The following MYOF variants were observed in gnomAD, a reference collection of about 807,000 sequenced individuals.
The protein encoded by MYOF is myoferlin.
Under a neutral mutation model 284.2 loss-of-function variants are expected in MYOF, and 244 were observed. The ratio of observed to expected loss-of-function variants is 0.86; its 90% CI spans 0.77 to 0.95. The LOEUF (loss-of-function observed/expected upper bound fraction) is 0.95, where lower values mean the gene tolerates loss of function less well. Ranked by LOEUF, MYOF falls within the 40% of genes least tolerant of loss-of-function variation. MYOF has a pLI of 0.00. For synonymous variants in MYOF, 904 were observed against 919.7 expected (o/e 0.98, Z 0.31); for missense variants, 2,496 against 2,560.6 (o/e 0.97, Z 0.54).
At chr10:93,399,790 T>A (rs1418473005) in intron 12 of MYOF, among the ~76,000 whole-genome samples, 1 of 152,162 alleles carries the variant, frequency 6.6e-6, no homozygotes, top group Admixed American at 6.5e-5. Flanking sequence ...GAGAACTGCT[T>A]GAACCTGGGA....
At chr10:93,441,297 C>T (rs1041371627) in intron 3 of MYOF, among the ~76,000 whole-genome samples, 1 of 152,160 alleles carries the variant, frequency 6.6e-6, no homozygotes, top group Non-Finnish European at 1.5e-5. Context: ...GTCTTATAAG[C>T]AATACCACAC....
chr10:93,338,905 T>C (rs1843739405), intron 39 of MYOF, among the ~76,000 whole-genome samples: 1 of 148,918 alleles, frequency 6.7e-6, no homozygotes, highest in Admixed American at 6.7e-5. Context: ...TATTTTAACC[T>C]ACCTTGGAAA....
intron 48 of MYOF, among the ~76,000 whole-genome samples, chr10:93,321,631 T>C (rs1842845380): frequency 6.6e-6 from 1 of 152,118 alleles, no homozygotes; most frequent in Non-Finnish European, 1.5e-5. Flanking sequence ...TGGCCTCACC[T>C]CCTGACCCAC....
intron 1 of MYOF, among the ~76,000 whole-genome samples, chr10:93,464,444 C>T (rs1206675607): frequency 6.6e-6 from 1 of 152,180 alleles, no homozygotes; most frequent in Non-Finnish European, 1.5e-5. Flanking sequence ...ACGGAAGTAA[C>T]ACGATGGTAA....
Position 93,323,022 on chromosome 10 carries a change from G to T in MYOF, c.5456+56C>A. On this transcript the variant is annotated intron_variant, in intron 48 of 53. Coordinates refer to ENST00000359263, the MANE Select transcript of MYOF (RefSeq NM_013451.4). Reference sequence around the variant, plus strand: ...GGCATATTCAGTAATGAAAACTCACGAAGGAGAGAGTCTGTTTCCCTGAGC... The same window carrying T: ...GGCATATTCAGTAATGAAAACTCACTAAGGAGAGAGTCTGTTTCCCTGAGC... 4 of 1,507,746 alleles carry T rather than the reference G, an allele frequency of 2.7e-6. No individual in the cohort carries two copies. The South Asian group carries it at 3.4e-5, about 13-fold the overall frequency. 93.4% of individuals were successfully genotyped at this position (1,507,746 alleles called of 1,614,324 possible). A position where few individuals can be genotyped will look rare whatever the true frequency, so the allele number is the denominator to read the frequency against.
intron 49 of MYOF, among the ~76,000 whole-genome samples, chr10:93,319,093 T>C (rs1212933525): frequency 6.6e-6 from 1 of 152,158 alleles, no homozygotes; most frequent in East Asian, 1.9e-4. Context: ...CAATGGTTGG[T>C]TCAGGGATAG....
chr10:93,451,223 C>G (rs144872358), intron 3 of MYOF, among the ~76,000 whole-genome samples: 2 of 152,058 alleles, frequency 1.3e-5, no homozygotes, highest in South Asian at 4.2e-4. Flanking sequence ...GCCTGTAATT[C>G]CAGCTACTTG....
At chr10:93,334,227 G>A (rs74345604) in intron 41 of MYOF, among the ~76,000 whole-genome samples, 7,821 of 152,140 alleles carry the variant, frequency 0.051, 303 homozygotes, top group Middle Eastern at 0.082. Flanking sequence ...TTGAAGATAG[G>A]AATAACAATA....
intron 1 of MYOF, 47 bp from the exon 2 acceptor site, chr10:93,456,984 TAA>T: frequency 7.1e-7 from 1 of 1,414,020 alleles, no homozygotes; most frequent in Non-Finnish European, 9.8e-7. Flanking sequence ...ATAAAAAAAT[TAA>T]AGAGCGTGGG....
intron 7 of MYOF, 101 bp from the exon 8 acceptor site, chr10:93,404,320 A>G (rs1847446536): frequency 8.2e-7 from 1 of 1,223,418 alleles, no homozygotes; most frequent in African/African-American, 1.5e-5. Flanking sequence ...AATGCAAAAC[A>G]CAAATTCAAA....
At chr10:93,473,291 T>A (rs939930738) in intron 1 of MYOF, among the ~76,000 whole-genome samples, 3 of 152,210 alleles carry the variant, frequency 2.0e-5, no homozygotes, top group Non-Finnish European at 4.4e-5. Flanking sequence ...AGTAGACACA[T>A]CTGGTCTACC....
In MYOF at chr10:93,387,828, G is replaced by C. The variant is rs779480751; in HGVS notation, c.1667C>G (p.Pro556Arg). The C allele has an allele frequency of 6.2e-7, 1 of 1,614,050 alleles. No individual in the cohort carries two copies. Among genetic ancestry groups the C allele is most frequent in the East Asian group, 2.2e-5 (1 of 44,874 alleles). The change falls in exon 19 of 54, where the codon CCC (proline) becomes CGC (arginine). Residue 556 changes from proline to arginine, a missense_variant. This residue lies in a region of MYOF where 2,436 missense variants were observed against 2,480.7 expected (regional missense o/e 0.98). Coordinates refer to ENST00000359263, the MANE Select transcript of MYOF (RefSeq NM_013451.4). ...AACCAGCAGGTCATCATTTGAAATG[G>C]GCTCAAGCTTTTTATCTGGTGGTGT... ...EKTPPDKKLE[P>R]ISNDDLLVVE...
rs1028390738 is a variant in MYOF, at chr10:93,311,074, C to G, written c.5890-431G>C. ...CATGCCTATCAATCATTGTCACCTA[C>G]TGTGCACAGTGGCTGGCATTCAGTA... On this transcript the variant is annotated intron_variant, in intron 51 of 53. Transcript: ENST00000359263. Among the ~76,000 whole-genome samples, 3 of 152,204 alleles carry G rather than the reference C, an allele frequency of 2.0e-5. No individual in the cohort carries two copies. The East Asian group carries it at 5.8e-4, about 29-fold the overall frequency.
At chr10:93,346,217 T>C (rs1844177288) in intron 37 of MYOF, among the ~76,000 whole-genome samples, 1 of 152,222 alleles carries the variant, frequency 6.6e-6, no homozygotes, top group Admixed American at 6.5e-5. Flanking sequence ...TGACTGTGGA[T>C]TTTTTTCCTC....
intron 40 of MYOF, 25 bp from the exon 41 acceptor site, chr10:93,336,071 AT>A (rs1159578098): frequency 6.2e-7 from 1 of 1,608,192 alleles, no homozygotes; most frequent in East Asian, 2.2e-5. Flanking sequence ...CAGAGTCTTA[AT>A]TTCTCATTAA....
intron 25 of MYOF, 77 bp downstream of exon 25, chr10:93,369,568 G>A: frequency 6.3e-7 from 1 of 1,584,480 alleles, no homozygotes; most frequent in Admixed American, 1.7e-5. Context: ...GTATGTAAAT[G>A]TTTTCCATAA....
intron 21 of MYOF, among the ~76,000 whole-genome samples, chr10:93,378,773 C>T (rs185554850): frequency 1.0e-4 from 15 of 148,346 alleles, no homozygotes; most frequent in South Asian, 4.3e-4. Flanking sequence ...AGTGCAATGG[C>T]GCCATCTTGG....
At chr10:93,384,499 C>T (rs146896769) in intron 19 of MYOF, among the ~76,000 whole-genome samples, 3,883 of 152,124 alleles carry the variant, frequency 0.026, 149 homozygotes, top group African/African-American at 0.088. Context: ...AAAAAATTAG[C>T]TGGGCATGGT....
intron 23 of MYOF, among the ~76,000 whole-genome samples, 192 bp downstream of exon 23, chr10:93,374,571 C>T (rs1845748513): frequency 6.6e-6 from 1 of 152,190 alleles, no homozygotes. Context: ...AAATTCTTCC[C>T]CTGCTCTGAT....
Sources: allele counts gnomAD v4.1 joint callset (sites outside exome capture counted in the v4.1 genomes callset), GRCh38; gene constraint gnomAD v4.1.1; regional missense constraint gnomAD v4.1.1; transcripts MANE v1.5; gene names NCBI Gene and HGNC (gene_info 2026-07-23, HGNC 2026-07-21).